Variants in SORBS2 observed in about 807,000 individuals in gnomAD.
SORBS2 encodes the protein sorbin and SH3 domain containing 2.
In SORBS2, 46 loss-of-function variants were observed where a neutral mutation model predicts 97.7. That is an observed-to-expected ratio of 0.47 (90% CI 0.37 to 0.60). The LOEUF is 0.60. Among genes scored for constraint, SORBS2 ranks in the 20% least tolerant of loss-of-function variants. The pLI, the probability that SORBS2 is intolerant of heterozygous loss-of-function variation, is 0.00. For missense variants in SORBS2, 1,316 were observed against 1,282.3 expected (o/e 1.03, Z -0.40); for synonymous variants, 476 against 473.4 (o/e 1.01, Z -0.07).
chr4:185,763,796 A>C (rs1294565551), intron 2 of SORBS2, among the ~76,000 whole-genome samples: 1 of 152,252 alleles, frequency 6.6e-6, no homozygotes, highest in Non-Finnish European at 1.5e-5. Flanking sequence ...ACTTGTAAAG[A>C]AAAATTATTC....
At chr4:185,769,036 G>C (rs1000512117) in intron 2 of SORBS2, among the ~76,000 whole-genome samples, 6 of 152,052 alleles carry the variant, frequency 3.9e-5, no homozygotes. Context: ...TTTAGGACTA[G>C]GACATGAAAT....
intron 1 of SORBS2, among the ~76,000 whole-genome samples, chr4:185,874,862 T>TC (rs2099232487): frequency 6.6e-6 from 1 of 150,786 alleles, no homozygotes; most frequent in Non-Finnish European, 1.5e-5. Flanking sequence ...ACCCTGATTT[T>TC]TTTTTTTTTT....
At chr4:185,700,092 C>T (rs1260689730) in intron 2 of SORBS2, among the ~76,000 whole-genome samples, 1 of 152,186 alleles carries the variant, frequency 6.6e-6, no homozygotes, top group Non-Finnish European at 1.5e-5. Context: ...ATGATCTTGA[C>T]AGGCTGAATT....
intron 12 of SORBS2, among the ~76,000 whole-genome samples, chr4:185,605,665 A>G (rs939610620): frequency 3.3e-5 from 5 of 149,314 alleles, no homozygotes; most frequent in Admixed American, 6.7e-5. Context: ...GCTCATTACA[A>G]CCTCCTCCTC....
At chr4:185,802,215 A>G (rs994034037) in intron 1 of SORBS2, among the ~76,000 whole-genome samples, 3 of 152,228 alleles carry the variant, frequency 2.0e-5, no homozygotes, top group African/African-American at 7.2e-5. Context: ...AAATAAATGC[A>G]TTGATTATAT....
intron 4 of SORBS2, among the ~76,000 whole-genome samples, chr4:185,640,502 TA>T (rs1005307593): frequency 5.9e-5 from 9 of 152,210 alleles, no homozygotes; most frequent in African/African-American, 2.2e-4. Context: ...AATCTTGAGA[TA>T]TTTTTCCTTC....
chr4:185,663,941 G>A (rs917975761), intron 4 of SORBS2, among the ~76,000 whole-genome samples: 11 of 132,950 alleles, frequency 8.3e-5, no homozygotes, highest in African/African-American at 2.8e-4. Flanking sequence ...TGCAAGCTCC[G>A]CCTCCCGGGT....
intron 2 of SORBS2, among the ~76,000 whole-genome samples, chr4:185,651,119 G>C (rs563374693): frequency 6.6e-6 from 1 of 152,322 alleles, no homozygotes; most frequent in East Asian, 1.9e-4. Context: ...GACTGGGCAG[G>C]GAGAGGAGCC....
At chr4:185,627,002 C>T in exon 6 of SORBS2, 1 of 1,614,142 alleles carries the variant, frequency 6.2e-7, no homozygotes, top group Non-Finnish European at 8.5e-7. Flanking sequence ...CCTGAAGTCA[C>T]TGGCCATGCT....
chr4:185,823,022 T>C (rs557302118), intron 1 of SORBS2, among the ~76,000 whole-genome samples: 1 of 152,338 alleles, frequency 6.6e-6, no homozygotes, highest in South Asian at 2.1e-4. Flanking sequence ...GTTTGATATC[T>C]CCACAGGTAG....
At chr4:185,891,195 C>T (rs1243301778) in intron 1 of SORBS2, among the ~76,000 whole-genome samples, 1 of 152,178 alleles carries the variant, frequency 6.6e-6, no homozygotes. Flanking sequence ...AGTAAGTGGA[C>T]TTTAGCATCT....
chr4:185,766,113 C>A (rs1388943576), intron 2 of SORBS2, among the ~76,000 whole-genome samples: 1 of 152,164 alleles, frequency 6.6e-6, no homozygotes, highest in Non-Finnish European at 1.5e-5. Flanking sequence ...AGGGAAAAAC[C>A]ATTTTCTACT....
At chr4:185,805,914 T>C (rs1223998580) in intron 1 of SORBS2, among the ~76,000 whole-genome samples, 1 of 152,344 alleles carries the variant, frequency 6.6e-6, no homozygotes, top group East Asian at 1.9e-4. Flanking sequence ...TCGTTAACTT[T>C]AGCACAGAGA....
At chr4:185,762,168 G>A (rs981711998) in intron 2 of SORBS2, among the ~76,000 whole-genome samples, 1 of 152,200 alleles carries the variant, frequency 6.6e-6, no homozygotes, top group African/African-American at 2.4e-5. Context: ...TAGGGACTAA[G>A]TTGGTATGAA....
At chr4:185,650,827 A>C (rs2153459833) in intron 2 of SORBS2, among the ~76,000 whole-genome samples, 1 of 152,302 alleles carries the variant, frequency 6.6e-6, no homozygotes, top group Non-Finnish European at 1.5e-5. Flanking sequence ...TGAAGCTATC[A>C]GTGGGGCGAG....
rs906546214 is a variant in SORBS2, at chr4:185,940,516, G to A, written c.-338+15680C>T. 4.8e-4 allele frequency among the ~76,000 whole-genome samples: 73 copies of A among 152,096 alleles called. 1 individual carries two copies. The highest frequency in any genetic ancestry group is 1.9e-4 in the East Asian group (1 of 5,156). On this transcript the variant is annotated intron_variant, in intron 1 of 20. Transcript: ENST00000284776. ...TCATCTCTCACTGGACTTGCATTCC[G>A]CTCCACACCAGCTTTCCTGCTTTGT...
chr4:185,914,084 C>T (rs2149892217), intron 1 of SORBS2, among the ~76,000 whole-genome samples: 1 of 152,328 alleles, frequency 6.6e-6, no homozygotes, highest in African/African-American at 2.4e-5. Context: ...ACTCACTCTT[C>T]AGTCTGAAAT....
chr4:185,594,024 C>T lies in SORBS2; in HGVS notation c.2797-89G>A. The T allele has an allele frequency of 4.8e-6, 4 of 836,542 alleles. No individual in the cohort carries two copies. The South Asian group carries it at 6.3e-5, about 13-fold the overall frequency. 51.8% of individuals were successfully genotyped at this position (836,542 alleles called of 1,614,324 possible). On this transcript the variant is annotated intron_variant, in intron 12 of 14. Coordinates refer to ENST00000418609, the Ensembl canonical transcript of SORBS2. ...GATAATGGCATGGTACTTTTCTTGACATTTAATATTTCCTGTTGTAAAAAA... is the reference window on the plus strand; with the variant it reads ...GATAATGGCATGGTACTTTTCTTGATATTTAATATTTCCTGTTGTAAAAAA...
chr4:185,880,658 C>T (rs2149775623), intron 1 of SORBS2, among the ~76,000 whole-genome samples: 1 of 152,284 alleles, frequency 6.6e-6, no homozygotes, highest in Non-Finnish European at 1.5e-5. Context: ...TAAGTTTCTC[C>T]TTGATATTTT....
Sources: allele counts gnomAD v4.1 joint callset (sites outside exome capture counted in the v4.1 genomes callset), GRCh38; gene constraint gnomAD v4.1.1; transcripts MANE v1.5; gene names NCBI Gene and HGNC (gene_info 2026-07-23, HGNC 2026-07-21).